TRPM4: variants seen among roughly 807,000 people sequenced by gnomAD.
The protein encoded by TRPM4 is transient receptor potential cation channel subfamily M member 4, also known as calcium-activated non-selective cation channel 1.
In TRPM4, 124 loss-of-function variants were observed where a neutral mutation model predicts 135.6. That is an observed-to-expected ratio of 0.91 (90% CI 0.79 to 1.06). The LOEUF (loss-of-function observed/expected upper bound fraction) is 1.06, where lower values mean the gene tolerates loss of function less well. Ranked by LOEUF, TRPM4 falls within the 50% of genes least tolerant of loss-of-function variation. TRPM4 has a pLI of 0.00. For synonymous variants in TRPM4, 745 were observed against 705.6 expected, an observed-to-expected ratio of 1.06 and a Z score of -0.88; for missense variants, 1,658 against 1,671.4, an observed-to-expected ratio of 0.99 and a Z score of 0.14.
chr19:49,174,772 T>G (rs373188417), intron 9 of TRPM4, among the ~76,000 whole-genome samples: 164 of 147,524 alleles, frequency 1.1e-3, no homozygotes, highest in African/African-American at 3.9e-3. Flanking sequence ...CCTAAATAAA[T>G]AAACCAAATA....
intron 16 of TRPM4, among the ~76,000 whole-genome samples, chr19:49,193,883 T>TGTCATCCTACTTCTCCTCCTCCTC (rs1968508983): frequency 6.7e-6 from 1 of 149,568 alleles, no homozygotes; most frequent in Non-Finnish European, 1.5e-5. Context: ...TCCTCCTCCT[T>TGTCATCCTACTTCTCCTCCTCCTC]GTCATCCTCC....
At chr19:49,201,826 C>T (rs1332074205) in intron 19 of TRPM4, 138 bp from the exon 20 acceptor site, 3 of 905,096 alleles carry the variant, frequency 3.3e-6, no homozygotes, top group African/African-American at 1.6e-5. Context: ...TCTCAAACTC[C>T]CCACCTCAGG....
At position 49,182,711 on chromosome 19, in the gene TRPM4, C is replaced by T. The variant is rs988311676; in HGVS notation, c.1397C>T (p.Ala466Val). The part of the protein sequence containing the change: ...TPMRLAQLYS[A>V]APSNSLIRNL... ...ATGCGCCTGGCCCAACTCTACAGCG[C>T]GGCGCCCTCCAACTCGCTCATCCGC... The change falls in exon 11 of 25, where the codon GCG becomes GTG. Residue 466 changes from alanine (A) to valine (V), a missense_variant. Physicochemically the swap from Ala to Val is moderately conservative, Grantham distance 64. Coordinates refer to ENST00000252826, the MANE Select transcript of TRPM4 (RefSeq NM_017636.4). 6 of 1,613,976 alleles carry T rather than the reference C, an allele frequency of 3.7e-6. No individual in the cohort carries two copies. The highest frequency in any genetic ancestry group is 1.1e-5 in the South Asian group (1 of 91,086).
chr19:49,197,944 C>G (rs1206080546), intron 17 of TRPM4, among the ~76,000 whole-genome samples: 1 of 151,938 alleles, frequency 6.6e-6, no homozygotes, highest in Non-Finnish European at 1.5e-5. Flanking sequence ...TGGCCTTAGC[C>G]TCTGAAAGTG....
Position 49,211,341 on chromosome 19 carries a change from CA to C in TRPM4, c.3640+73del, listed in dbSNP as rs1213293054. The C allele has an allele frequency of 6.4e-6, 10 of 1,573,504 alleles. No homozygotes were observed. Among genetic ancestry groups the C allele is most frequent in the Non-Finnish European group, 7.8e-6 (9 of 1,150,114 alleles). On this transcript the variant is annotated intron_variant, in intron 24 of 24. Coordinates refer to ENST00000252826, the MANE Select transcript of TRPM4 (RefSeq NM_017636.4). This position sits in a 1 kb window ranked among gnomAD's most constrained non-coding sequence, Gnocchi z 4.8. ...ATTTTTGCGTGTTTTTCTCTCTCGG[CA>C]CCTTTCCAGTGTCCCTGGGTCACTC...
At chr19:49,164,292 T>TCCCTCCCTCCCC (rs1967079710) in intron 2 of TRPM4, among the ~76,000 whole-genome samples, 1 of 67,326 alleles carries the variant, frequency 1.5e-5, no homozygotes, top group Non-Finnish European at 2.7e-5. Flanking sequence ...CCTCCCTCCC[T>TCCCTCCCTCCCC]CCCTTCCTTC....
intron 2 of TRPM4, among the ~76,000 whole-genome samples, chr19:49,160,518 A>G (rs1437085741): frequency 6.6e-6 from 1 of 151,902 alleles, no homozygotes; most frequent in Non-Finnish European, 1.5e-5. Context: ...AGAAAGAAAA[A>G]AGTGATTTGA....
At chr19:49,196,934 C>T (rs1968678441) in intron 17 of TRPM4, 60 bp downstream of exon 17, 1 of 1,472,194 alleles carries the variant, frequency 6.8e-7, no homozygotes, top group Non-Finnish European at 9.1e-7. Context: ...TTCCTGCCCA[C>T]TCCCGGGGTC....
At chr19:49,204,969 A>G (rs1176003276) in intron 20 of TRPM4, among the ~76,000 whole-genome samples, 1 of 63,214 alleles carries the variant, frequency 1.6e-5, no homozygotes, top group Non-Finnish European at 3.2e-5. Context: ...ATAAAATTTC[A>G]TTGGCTTTGG....
chr19:49,198,619 G>T (rs903538640), intron 17 of TRPM4, among the ~76,000 whole-genome samples: 8 of 137,448 alleles, frequency 5.8e-5, no homozygotes, highest in Admixed American at 3.2e-4. Context: ...CTGCACTCTA[G>T]CCTGGGTGAA....
At chr19:49,202,881 C>CTTTTTT (rs752188238) in intron 20 of TRPM4, among the ~76,000 whole-genome samples, 19 of 109,610 alleles carry the variant, frequency 1.7e-4, no homozygotes, top group African/African-American at 6.1e-4. Context: ...ATTTTTACTT[C>CTTTTTT]TTTTTTTTTT....
At chr19:49,199,227 C>G (rs1252645217) in intron 17 of TRPM4, among the ~76,000 whole-genome samples, 4 of 150,388 alleles carry the variant, frequency 2.7e-5, no homozygotes, top group South Asian at 4.2e-4. Flanking sequence ...GGCCATATGT[C>G]CTTGTGCCCC....
intron 10 of TRPM4, among the ~76,000 whole-genome samples, chr19:49,181,995 T>C (rs1438789906): frequency 6.6e-6 from 1 of 151,314 alleles, no homozygotes; most frequent in African/African-American, 2.4e-5. Flanking sequence ...CATCTATCCA[T>C]TCATCCATTC....
At chr19:49,160,699 G>C (rs895693567) in intron 2 of TRPM4, among the ~76,000 whole-genome samples, 1 of 152,110 alleles carries the variant, frequency 6.6e-6, no homozygotes, top group African/African-American at 2.4e-5. Flanking sequence ...GTCCTTGGGA[G>C]CTGGGGCATC....
rs986221641 is a variant in TRPM4 at position 49,210,944 on chromosome 19, C to T, written c.3462-71C>T. The stretch of plus-strand genomic sequence containing the variant: ...GGAGGGAGGGAGAGAGGGAGGAGGC[C>T]CGGGAAGCAGGCAGAGCCCTGGGGG... On this transcript the variant is annotated intron_variant, in intron 22 of 24. Transcript: ENST00000252826. The surrounding 1 kb of genome is among the most constrained non-coding windows in gnomAD (Gnocchi z 4.1). The T allele has an allele frequency of 5.5e-5, 74 of 1,344,960 alleles. No individual in the cohort carries two copies. Among genetic ancestry groups the T allele is most frequent in the Non-Finnish European group, 7.2e-5 (72 of 1,003,962 alleles). The allele number at this position is 1,344,960 out of a possible 1,614,324, so 83.3% of individuals were successfully genotyped here.
At chr19:49,205,189 C>T (rs1399413508) in intron 20 of TRPM4, among the ~76,000 whole-genome samples, 1 of 151,992 alleles carries the variant, frequency 6.6e-6, no homozygotes, top group Non-Finnish European at 1.5e-5. Flanking sequence ...CAGAAATTGT[C>T]TCACAATTCT....
chr19:49,180,544 A>C (rs998023441), intron 9 of TRPM4, among the ~76,000 whole-genome samples: 11 of 148,402 alleles, frequency 7.4e-5, no homozygotes, highest in African/African-American at 2.7e-4. Context: ...TTAGGGGCAT[A>C]CCTCCCAGTC....
At chr19:49,189,605 C>A (rs1968335472) in intron 14 of TRPM4, among the ~76,000 whole-genome samples, 1 of 151,234 alleles carries the variant, frequency 6.6e-6, no homozygotes. Flanking sequence ...TATAGGAAAT[C>A]ATCTGCCTTG....
At position 49,180,847 on chromosome 19, in the gene TRPM4, G is replaced by A. The variant is rs566381580; in HGVS notation, c.1151-502G>A. 5.9e-5 allele frequency among the ~76,000 whole-genome samples: 9 copies of A among 151,478 alleles called. No homozygotes were observed. The South Asian group carries it at 1.3e-3, about 21-fold the overall frequency. On this transcript the variant is annotated intron_variant, in intron 9 of 24. Transcript: ENST00000252826. ...TGTACATCCATCTATCCATCCATCC[G>A]TTCATTCATCCATCTCTTTATCCTT...
Sources: gnomAD v4.1 joint callset for allele counts (sites outside exome capture counted in the v4.1 genomes callset) on GRCh38, gnomAD v4.1.1 for gene constraint, Gnocchi (gnomAD v3.1) non-coding constraint, MANE v1.5 for transcripts, NCBI Gene and HGNC (gene_info 2026-07-23, HGNC 2026-07-21) for gene names.